Variants in MATCAP2 observed in about 807,000 individuals in gnomAD.
MATCAP2 encodes the protein putative tyrosine carboxypeptidase MATCAP2.
the MATCAP2 span, among the ~76,000 whole-genome samples, chr7:36,354,542 T>C: frequency 6.6e-6 from 1 of 152,236 alleles, no homozygotes; most frequent in Admixed American, 6.5e-5. Flanking sequence ...TTGGCCATCC[T>C]GGCCCCTTTG....
At chr7:36,386,247 C>A in the MATCAP2 span, among the ~76,000 whole-genome samples, 1 of 151,794 alleles carries the variant, frequency 6.6e-6, no homozygotes, top group Non-Finnish European at 1.5e-5. Flanking sequence ...GCTGCTAAGA[C>A]AACTGGTTAT....
the MATCAP2 span, among the ~76,000 whole-genome samples, chr7:36,353,270 C>A: frequency 6.6e-6 from 1 of 152,000 alleles, no homozygotes; most frequent in Admixed American, 6.6e-5. Flanking sequence ...CAGAGCAAGA[C>A]CCTGTCTCAA....
chr7:36,356,817 A>T, the MATCAP2 span: 2 of 1,135,184 alleles, frequency 1.8e-6, no homozygotes, highest in Non-Finnish European at 2.6e-6. Context: ...GAATATTTTT[A>T]AATGTCTTTG....
the MATCAP2 span, among the ~76,000 whole-genome samples, chr7:36,389,335 A>T: frequency 6.6e-6 from 1 of 151,478 alleles, no homozygotes; most frequent in Non-Finnish European, 1.5e-5. Flanking sequence ...TGCTGGGATT[A>T]TGTCCTGCCA....
the MATCAP2 span, chr7:36,333,973 T>G: frequency 1.9e-6 from 3 of 1,614,008 alleles, no homozygotes. Flanking sequence ...GACATTTGGC[T>G]GGCTTGATAA....
chr7:36,327,311 T>C, the MATCAP2 span, among the ~76,000 whole-genome samples: 1 of 152,186 alleles, frequency 6.6e-6, no homozygotes, highest in Non-Finnish European at 1.5e-5. Flanking sequence ...GCTAATTTTT[T>C]GTATTTTTAG....
the MATCAP2 span, among the ~76,000 whole-genome samples, chr7:36,384,696 GTCTTCTT>G: frequency 6.6e-6 from 1 of 152,182 alleles, no homozygotes; most frequent in Non-Finnish European, 1.5e-5. Context: ...GATCAAAGAA[GTCTTCTT>G]TCAGGAGGTA....
the MATCAP2 span, among the ~76,000 whole-genome samples, chr7:36,379,759 C>T: frequency 6.8e-6 from 1 of 148,008 alleles, no homozygotes; most frequent in Non-Finnish European, 1.5e-5. Context: ...GTCTACAAAC[C>T]TGTATAGTGT....
chr7:36,349,782 C>CTT, the MATCAP2 span, among the ~76,000 whole-genome samples: 1 of 152,160 alleles, frequency 6.6e-6, no homozygotes. Flanking sequence ...ACATGTTAAT[C>CTT]AAGTTTTCAA....
At chr7:36,344,683 C>T in the MATCAP2 span, among the ~76,000 whole-genome samples, 2 of 152,270 alleles carry the variant, frequency 1.3e-5, no homozygotes, top group South Asian at 2.1e-4. Context: ...CAAAGAAATA[C>T]ATGAAATTGT....
chr7:36,382,342 CTGTT>C, the MATCAP2 span, among the ~76,000 whole-genome samples: 1 of 145,390 alleles, frequency 6.9e-6, no homozygotes, highest in Admixed American at 6.9e-5. Context: ...TGCAAAATGT[CTGTT>C]TGCATGGGAG....
chr7:36,371,238 A>G, the MATCAP2 span, among the ~76,000 whole-genome samples: 2 of 152,080 alleles, frequency 1.3e-5, no homozygotes, highest in East Asian at 3.9e-4. Context: ...CAGCCTCCCA[A>G]GTAGCTGGGA....
the MATCAP2 span, among the ~76,000 whole-genome samples, chr7:36,330,748 C>G: frequency 6.6e-6 from 1 of 152,086 alleles, no homozygotes; most frequent in East Asian, 1.9e-4. Flanking sequence ...ACAAATAAAA[C>G]AATATGTATT....
the MATCAP2 span, among the ~76,000 whole-genome samples, chr7:36,382,453 C>T: frequency 6.6e-6 from 1 of 151,880 alleles, no homozygotes; most frequent in African/African-American, 2.4e-5. Flanking sequence ...AGAGTGACTT[C>T]TATGATATCA....
chr7:36,331,033 G>C, the MATCAP2 span: 1 of 1,613,498 alleles, frequency 6.2e-7, no homozygotes, highest in Non-Finnish European at 8.5e-7. Flanking sequence ...TGTATCGGAG[G>C]ATTTGAAGAA....
chr7:36,382,299 C>CAAA, the MATCAP2 span, among the ~76,000 whole-genome samples: 77 of 62,832 alleles, frequency 1.2e-3, no homozygotes, highest in Non-Finnish European at 1.5e-3. Flanking sequence ...GCGTCTGTCT[C>CAAA]AAAAAAAAAA....
At chr7:36,332,919 C>T in the MATCAP2 span, among the ~76,000 whole-genome samples, 1 of 152,046 alleles carries the variant, frequency 6.6e-6, no homozygotes, top group Non-Finnish European at 1.5e-5. Flanking sequence ...AAGAGTCATA[C>T]TCTATCTCAA....
At chr7:36,360,849 C>G in the MATCAP2 span, among the ~76,000 whole-genome samples, 2 of 152,096 alleles carry the variant, frequency 1.3e-5, no homozygotes, top group African/African-American at 2.4e-5. Context: ...AAAGCATAAA[C>G]AGACTTATTT....
At chr7:36,380,347 GATTCAAATGGATTCTGATTCAAATT>G in the MATCAP2 span, among the ~76,000 whole-genome samples, 26 of 152,160 alleles carry the variant, frequency 1.7e-4, no homozygotes, top group Admixed American at 1.3e-3. Context: ...CTGTGATAGG[GATTCAAATGGATTCTGATTCAAATT>G]ATTCAAATGG....
Sources: allele counts gnomAD v4.1 joint callset (sites outside exome capture counted in the v4.1 genomes callset), GRCh38; gene constraint gnomAD v4.1.1; transcripts MANE v1.5; gene names NCBI Gene and HGNC (gene_info 2026-07-23, HGNC 2026-07-21).